The following ASAP2 variants were observed in gnomAD, a reference collection of about 807,000 sequenced individuals.
ASAP2 encodes the protein arf-GAP with SH3 domain, ANK repeat and PH domain-containing protein 2.
Under a neutral mutation model 131.4 loss-of-function variants are expected in ASAP2, and 45 were observed. The observed-to-expected ratio is 0.34, with a 90% CI of 0.27 to 0.44. The LOEUF (loss-of-function observed/expected upper bound fraction) is 0.44, where lower values mean the gene tolerates loss of function less well. Ranked by LOEUF, ASAP2 falls within the 20% of genes least tolerant of loss-of-function variation. The probability of loss-of-function intolerance (pLI) is 1.00; values close to 1 mark genes in which losing one functional copy is unlikely to be tolerated. For synonymous variants in ASAP2, 510 were observed against 503.0 expected, an observed-to-expected ratio of 1.01 and a Z score of -0.19; for missense variants, 1,011 against 1,297.0, an observed-to-expected ratio of 0.78 and a Z score of 3.39.
Position 9,265,895 on chromosome 2 carries a change from C to T in ASAP2, c.127-13422C>T, listed in dbSNP as rs1399763479. 2.0e-5 allele frequency among the ~76,000 whole-genome samples: 3 copies of T among 152,322 alleles called. No individual in the cohort carries two copies. In the East Asian group the frequency reaches 5.8e-4, roughly 29 times the overall value. On this transcript the variant is annotated intron_variant, in intron 1 of 27. Coordinates refer to ENST00000281419, the MANE Select transcript of ASAP2 (RefSeq NM_003887.3). The stretch of plus-strand genomic sequence containing the variant: ...TCAAGTGATTCTCCTGCCTCAGCCT[C>T]CCGAGTAGCTGGGATTACAGGCGCG...
At chr2:9,271,440 A>G in intron 1 of ASAP2, 2 of 1,416,668 alleles carry the variant, frequency 1.4e-6, no homozygotes, top group Admixed American at 3.4e-5. Context: ...CAAACTTCTT[A>G]AACGCCTTCA....
chr2:9,287,421 C>T (rs777498058), intron 2 of ASAP2, among the ~76,000 whole-genome samples: 5 of 152,170 alleles, frequency 3.3e-5, no homozygotes, highest in Non-Finnish European at 5.9e-5. Flanking sequence ...TAAAGAAGAA[C>T]CTGAAAACCT....
chr2:9,297,269 GAC>G, intron 2 of ASAP2, 29 bp from the exon 3 acceptor site: 2 of 1,607,554 alleles, frequency 1.2e-6, no homozygotes, highest in Non-Finnish European at 1.7e-6. Flanking sequence ...GCATGCCTGA[GAC>G]TCACAGCACC....
chr2:9,323,408 G>A (rs1366464370), intron 6 of ASAP2, among the ~76,000 whole-genome samples, 158 bp downstream of exon 6: 2 of 152,240 alleles, frequency 1.3e-5, no homozygotes, highest in African/African-American at 4.8e-5. Context: ...TACTAGGGAA[G>A]CGTTAGCCTC....
In ASAP2 at chr2:9,344,581, G is replaced by A; in HGVS notation, c.899G>A (p.Gly300Glu). 1 of 1,614,164 alleles carries A rather than the reference G, an allele frequency of 6.2e-7. No homozygotes were observed. The highest frequency in any genetic ancestry group is 8.5e-7 in the Non-Finnish European group (1 of 1,180,030). Residue 300 changes from glycine (G) to glutamate (E), a missense_variant, in exon 10 of 28, where the codon GGA becomes GAA. Coordinates refer to ENST00000281419, the MANE Select transcript of ASAP2 (RefSeq NM_003887.3). ...GCTTATAGCTTACATCAGCCTCAGG[G>A]AAACAAGGAACATGGGACCGAGCGG... ...STAYSLHQPQ[G>E]NKEHGTERNG...
chr2:9,276,527 C>T (rs1009806709), intron 1 of ASAP2, among the ~76,000 whole-genome samples: 5 of 151,942 alleles, frequency 3.3e-5, no homozygotes, highest in Admixed American at 2.0e-4. Context: ...CTTCCTGTGT[C>T]ATCTTTTTTT....
At chr2:9,266,836 G>T (rs1189285029) in intron 1 of ASAP2, among the ~76,000 whole-genome samples, 1 of 152,182 alleles carries the variant, frequency 6.6e-6, no homozygotes, top group Non-Finnish European at 1.5e-5. Flanking sequence ...CCTGATGCTG[G>T]GGAGAAAAGC....
chr2:9,368,998 A>G (rs1362746708), intron 16 of ASAP2, among the ~76,000 whole-genome samples: 1 of 150,884 alleles, frequency 6.6e-6, no homozygotes, highest in Non-Finnish European at 1.5e-5. Context: ...TATTGTTGAT[A>G]CACAACTTGA....
At chr2:9,277,054 C>A (rs1049498198) in intron 1 of ASAP2, among the ~76,000 whole-genome samples, 1 of 152,142 alleles carries the variant, frequency 6.6e-6, no homozygotes, top group East Asian at 1.9e-4. Flanking sequence ...AATGGCAAAG[C>A]CTGGAGCCGG....
At chr2:9,371,540 A>C (rs542957224) in intron 16 of ASAP2, among the ~76,000 whole-genome samples, 3 of 152,354 alleles carry the variant, frequency 2.0e-5, no homozygotes, top group African/African-American at 7.2e-5. Flanking sequence ...ATTTCAGAAC[A>C]GCACACCATC....
At chr2:9,399,940 A>AG (rs1389192219) in intron 24 of ASAP2, 83 bp from the exon 25 acceptor site, 5 of 1,429,898 alleles carry the variant, frequency 3.5e-6, no homozygotes, top group Non-Finnish European at 3.9e-6. Flanking sequence ...GCTTGAACTC[A>AG]GAAGGTTCTC....
chr2:9,379,086 G>A (rs1674629512), intron 19 of ASAP2, 27 bp downstream of exon 19: 1 of 1,469,694 alleles, frequency 6.8e-7, no homozygotes, highest in African/African-American at 1.4e-5. Flanking sequence ...CCCGGGGGTG[G>A]GCTCAGCTGC....
rs368426992 is a variant in ASAP2, at chr2:9,222,613, C to T, written c.126+15383C>T. Among the ~76,000 whole-genome samples the T allele has an allele frequency of 7.9e-5, 12 of 152,158 alleles. No individual in the cohort carries two copies. The South Asian group carries it at 2.3e-3, about 29-fold the overall frequency. Reference sequence around the variant, plus strand: ...AAATTCTCTTGTTTTTGTTTTTTGGCAAATAGGAATGAGGTGTGTTTACTA... The same window carrying T: ...AAATTCTCTTGTTTTTGTTTTTTGGTAAATAGGAATGAGGTGTGTTTACTA... On this transcript the variant is annotated intron_variant, in intron 1 of 27. Coordinates refer to ENST00000281419, the MANE Select transcript of ASAP2 (RefSeq NM_003887.3).
rs1266132978 is a variant in ASAP2, at chr2:9,356,281, G to A, written c.1263G>A (p.Lys421=). The change falls in exon 14 of 28, where the codon AAG becomes AAA. Residue 421 remains lysine (K), a synonymous_variant. Coordinates refer to ENST00000281419, the MANE Select transcript of ASAP2 (RefSeq NM_003887.3). The part of the protein sequence containing the change: ...GENNIVQELT[K]EIISEVQRMT... Reference sequence around the variant, plus strand: ...ATAACATCGTCCAAGAACTGACAAAGGAGATCATCTCAGAAGTGCAGAGGA... The same window carrying A: ...ATAACATCGTCCAAGAACTGACAAAAGAGATCATCTCAGAAGTGCAGAGGA... 1 of 1,614,000 alleles carries A rather than the reference G, an allele frequency of 6.2e-7. No homozygotes were observed. The highest frequency in any genetic ancestry group is 8.5e-7 in the Non-Finnish European group (1 of 1,179,946).
rs1470332834 is a variant in ASAP2 at position 9,391,059 on chromosome 2, C to T, written c.2384-3C>T. ...GCGTCTGTGTGCATGCGTGTGGGTT[C>T]AGTTCAGACAGCCTCCTCTGCTAAC... On this transcript the variant is annotated splice_region_variant and splice_polypyrimidine_tract_variant and intron_variant, in intron 22 of 27. Coordinates refer to ENST00000281419, the MANE Select transcript of ASAP2 (RefSeq NM_003887.3). The T allele has an allele frequency of 6.2e-7, 1 of 1,614,226 alleles. No homozygotes were observed.
chr2:9,388,443 TGA>T lies in ASAP2; in HGVS notation c.2283_2284del (p.Glu761AspfsTer41). 1 of 1,614,170 alleles carries T rather than the reference TGA, an allele frequency of 6.2e-7. No individual in the cohort carries two copies. Among genetic ancestry groups the T allele is most frequent in the South Asian group, 1.1e-5 (1 of 91,080 alleles). ...CTTTCATGCCCAGCATCTTGCAGAA[TGA>T]GACTTACGGAGCCCTCCTGAGTGGC... is the stretch of plus-strand genomic sequence containing the variant. Reference protein sequence around the residue: ...RAFMPSILQNETYGALLSGSP... With the variant: ...RAFMPSILQNXTYGALLSGSP... On this transcript the variant is annotated frameshift_variant, in exon 22 of 28. Transcript: ENST00000281419. LOFTEE classifies it high-confidence loss of function.
chr2:9,394,289 C>G (rs192896775), intron 24 of ASAP2, among the ~76,000 whole-genome samples: 2 of 151,592 alleles, frequency 1.3e-5, no homozygotes, highest in Admixed American at 1.3e-4. Context: ...CTGAGCCTCC[C>G]GAGTAGCTGG....
intron 3 of ASAP2, among the ~76,000 whole-genome samples, chr2:9,302,548 C>T (rs554756550): frequency 9.4e-4 from 143 of 152,200 alleles, no homozygotes; most frequent in Non-Finnish European, 1.9e-3. Context: ...GATCTTGGCT[C>T]ACTGCAGCCT....
intron 1 of ASAP2, among the ~76,000 whole-genome samples, chr2:9,267,178 A>G (rs759771225): frequency 6.6e-6 from 1 of 152,102 alleles, no homozygotes; most frequent in South Asian, 2.1e-4. Flanking sequence ...CGGGGGGTAC[A>G]TGTGTAGGTT....
Sources: allele counts gnomAD v4.1 joint callset (sites outside exome capture counted in the v4.1 genomes callset), GRCh38; gene constraint gnomAD v4.1.1; transcripts MANE v1.5; gene names NCBI Gene and HGNC (gene_info 2026-07-23, HGNC 2026-07-21).